Variants in ATXN7L1 observed in about 807,000 individuals in gnomAD.
ATXN7L1 encodes ataxin 7 like 1, also known as ataxin-7-like protein 1.
A neutral mutation model predicts 70.8 loss-of-function variants in ATXN7L1; 15 were observed. That is an observed-to-expected ratio of 0.21 (90% CI 0.14 to 0.33). The LOEUF is 0.33. Among genes scored for constraint, ATXN7L1 ranks in the 10% least tolerant of loss-of-function variants. The pLI is 1.00. For synonymous variants in ATXN7L1, 440 were observed against 445.1 expected, an observed-to-expected ratio of 0.99 and a Z score of 0.14; for missense variants, 975 against 1,097.1, an observed-to-expected ratio of 0.89 and a Z score of 1.57.
At chr7:105,644,109 G>C (rs543500710) in intron 4 of ATXN7L1, among the ~76,000 whole-genome samples, 1 of 152,168 alleles carries the variant, frequency 6.6e-6, no homozygotes, top group African/African-American at 2.4e-5. Flanking sequence ...AATGCCAAAT[G>C]ATCTAGAATA....
At chr7:105,853,395 A>C (rs573953878) in intron 2 of ATXN7L1, among the ~76,000 whole-genome samples, 1 of 152,322 alleles carries the variant, frequency 6.6e-6, no homozygotes, top group African/African-American at 2.4e-5. Flanking sequence ...TCTACTAAAA[A>C]TACAACCATT....
At chr7:105,654,168 A>G (rs545437393) in intron 4 of ATXN7L1, among the ~76,000 whole-genome samples, 103 of 152,348 alleles carry the variant, frequency 6.8e-4, no homozygotes, top group African/African-American at 2.4e-3. Context: ...TGGAAGTTAA[A>G]TCACATAACA....
intron 2 of ATXN7L1, among the ~76,000 whole-genome samples, chr7:105,807,986 G>A (rs187434413): frequency 5.9e-5 from 9 of 152,318 alleles, no homozygotes; most frequent in Non-Finnish European, 2.9e-5. Flanking sequence ...TCTCCTTCCA[G>A]CTCTGAAGCA....
At chr7:105,851,310 A>T (rs1374078015) in intron 2 of ATXN7L1, among the ~76,000 whole-genome samples, 1 of 152,238 alleles carries the variant, frequency 6.6e-6, no homozygotes, top group Non-Finnish European at 1.5e-5. Flanking sequence ...AAGTTAGCTA[A>T]GGTCTGACTG....
intron 3 of ATXN7L1, among the ~76,000 whole-genome samples, chr7:105,692,314 T>C (rs1172952270): frequency 6.6e-6 from 1 of 152,180 alleles, no homozygotes; most frequent in Non-Finnish European, 1.5e-5. Flanking sequence ...CACTAGAATT[T>C]GTCAGTTGGT....
intron 2 of ATXN7L1, among the ~76,000 whole-genome samples, chr7:105,818,935 T>C (rs937542785): frequency 1.3e-5 from 2 of 151,556 alleles, no homozygotes; most frequent in South Asian, 2.1e-4. Flanking sequence ...GTGCACAATG[T>C]ACAGGTTTGA....
At chr7:105,859,788 T>C (rs1816295735) in intron 2 of ATXN7L1, among the ~76,000 whole-genome samples, 1 of 148,108 alleles carries the variant, frequency 6.8e-6, no homozygotes, top group African/African-American at 2.5e-5. Flanking sequence ...CTTTCTTTTT[T>C]TTTTTTTTTT....
chr7:105,777,709 G>A (rs1409663273), intron 3 of ATXN7L1, among the ~76,000 whole-genome samples: 8 of 152,118 alleles, frequency 5.3e-5, no homozygotes, highest in African/African-American at 9.7e-5. Flanking sequence ...AGCTCCTTCC[G>A]GGTCTCCTGG....
chr7:105,840,039 T>A (rs1043798041), intron 2 of ATXN7L1, among the ~76,000 whole-genome samples: 3 of 152,056 alleles, frequency 2.0e-5, no homozygotes, highest in African/African-American at 7.2e-5. Flanking sequence ...AAGGCAGCAG[T>A]CAGGATCAGA....
chr7:105,706,942 G>C (rs975799997), intron 3 of ATXN7L1, among the ~76,000 whole-genome samples: 1 of 152,216 alleles, frequency 6.6e-6, no homozygotes, highest in Non-Finnish European at 1.5e-5. Flanking sequence ...CAAATAGTTA[G>C]GTTTTCTTTG....
At chr7:105,838,047 T>G (rs1306112431) in intron 2 of ATXN7L1, among the ~76,000 whole-genome samples, 1 of 152,228 alleles carries the variant, frequency 6.6e-6, no homozygotes, top group East Asian at 1.9e-4. Context: ...AAAGGAATGC[T>G]TCCCATTTGC....
At chr7:105,751,078 C>T (rs1339707236) in intron 3 of ATXN7L1, among the ~76,000 whole-genome samples, 4 of 152,154 alleles carry the variant, frequency 2.6e-5, no homozygotes, top group East Asian at 1.9e-4. Flanking sequence ...AATTGCTGAA[C>T]ATTTTTCTAT....
intron 2 of ATXN7L1, among the ~76,000 whole-genome samples, chr7:105,815,511 G>T (rs1440523956): frequency 1.3e-5 from 2 of 152,174 alleles, no homozygotes; most frequent in African/African-American, 4.8e-5. Context: ...TGAAGTGTTA[G>T]CTTCAAAAGT....
chr7:105,789,949 A>G (rs1210009952), intron 2 of ATXN7L1, among the ~76,000 whole-genome samples: 1 of 152,190 alleles, frequency 6.6e-6, no homozygotes, highest in Non-Finnish European at 1.5e-5. Flanking sequence ...TAAACAAAAT[A>G]CCACAGAACA....
chr7:105,835,502 A>G (rs926207181), intron 2 of ATXN7L1, among the ~76,000 whole-genome samples: 8 of 151,696 alleles, frequency 5.3e-5, no homozygotes, highest in Non-Finnish European at 7.4e-5. Context: ...AAGGGGCCCA[A>G]GTTGGTGGGT....
intron 3 of ATXN7L1, among the ~76,000 whole-genome samples, chr7:105,786,937 C>T (rs1045150595): frequency 5.9e-5 from 9 of 152,200 alleles, no homozygotes; most frequent in Non-Finnish European, 1.3e-4. Flanking sequence ...CCTCTGCGTT[C>T]TCACAAGACG....
chr7:105,731,530 G>A (rs559723775), intron 3 of ATXN7L1, among the ~76,000 whole-genome samples: 3 of 151,070 alleles, frequency 2.0e-5, no homozygotes, highest in African/African-American at 7.3e-5. Flanking sequence ...CGCGTCCTGG[G>A]TTCAAGCGAT....
intron 3 of ATXN7L1, among the ~76,000 whole-genome samples, chr7:105,716,665 GCACACACACACACACACACACACACA>G (rs58217531): frequency 4.8e-5 from 6 of 125,522 alleles, no homozygotes; most frequent in Non-Finnish European, 8.6e-5. Flanking sequence ...ACCTATCTCT[GCACACACACACACACACACACACACA>G]CACACACACA....
intron 2 of ATXN7L1, chr7:105,875,278 G>C (rs925229522): frequency 6.4e-6 from 1 of 155,440 alleles, no homozygotes; most frequent in African/African-American, 2.4e-5. Flanking sequence ...TGCACATACA[G>C]ATGCTCCTAA....
Sources: gnomAD v4.1 joint callset for allele counts (sites outside exome capture counted in the v4.1 genomes callset) on GRCh38, gnomAD v4.1.1 for gene constraint, MANE v1.5 for transcripts, NCBI Gene and HGNC (gene_info 2026-07-23, HGNC 2026-07-21) for gene names.